The following PHLPP1 variants were observed in gnomAD, a reference collection of about 807,000 sequenced individuals.
PHLPP1 encodes PH domain and leucine rich repeat protein phosphatase 1.
A neutral mutation model predicts 117.2 loss-of-function variants in PHLPP1; 42 were observed. The observed-to-expected ratio is 0.36, with a 90% confidence interval of 0.28 to 0.46. The LOEUF is 0.46. Among genes scored for constraint, PHLPP1 ranks in the 20% least tolerant of loss-of-function variants. The pLI is 1.00. For missense variants in PHLPP1, 2,084 were observed against 2,241.9 expected (o/e 0.93, Z 1.42); for synonymous variants, 1,042 against 970.7 (o/e 1.07, Z -1.37).
At chr18:62,825,996 A>G (rs905175893) in intron 1 of PHLPP1, among the ~76,000 whole-genome samples, 1 of 152,242 alleles carries the variant, frequency 6.6e-6, no homozygotes, top group Admixed American at 6.5e-5. Context: ...GGAGAAATTA[A>G]TTTTAAACCA....
intron 13 of PHLPP1, among the ~76,000 whole-genome samples, chr18:62,961,242 C>T (rs1910758283): frequency 6.6e-6 from 1 of 152,154 alleles, no homozygotes; most frequent in Non-Finnish European, 1.5e-5. Context: ...TTGCAGTGAG[C>T]CGTGTTACGC....
intron 13 of PHLPP1, among the ~76,000 whole-genome samples, chr18:62,960,180 C>T (rs990195028): frequency 4.6e-5 from 7 of 151,898 alleles, no homozygotes; most frequent in Non-Finnish European, 1.0e-4. Context: ...TGGAAGTAGC[C>T]ACTTAGAGAA....
At chr18:62,790,396 C>T (rs1036215543) in intron 1 of PHLPP1, among the ~76,000 whole-genome samples, 5 of 152,122 alleles carry the variant, frequency 3.3e-5, no homozygotes, top group African/African-American at 4.8e-5. Context: ...AATATAACCC[C>T]ATAATGATGA....
At chr18:62,952,938 G>A (rs1910505922) in intron 12 of PHLPP1, among the ~76,000 whole-genome samples, 1 of 152,176 alleles carries the variant, frequency 6.6e-6, no homozygotes, top group African/African-American at 2.4e-5. Context: ...ACAATTTTAT[G>A]TAGAATAATA....
intron 10 of PHLPP1, among the ~76,000 whole-genome samples, chr18:62,924,891 A>G (rs565201445): frequency 2.6e-5 from 4 of 151,404 alleles, no homozygotes; most frequent in African/African-American, 9.7e-5. Context: ...TTAATCTGCT[A>G]TACCTGGTAG....
intron 1 of PHLPP1, among the ~76,000 whole-genome samples, chr18:62,772,549 A>G (rs1440813167): frequency 6.6e-6 from 1 of 152,132 alleles, no homozygotes; most frequent in Non-Finnish European, 1.5e-5. Context: ...TTAAATTTAA[A>G]TTGGGCATGC....
At chr18:62,920,427 C>T (rs1909426312) in intron 10 of PHLPP1, among the ~76,000 whole-genome samples, 2 of 152,180 alleles carry the variant, frequency 1.3e-5, no homozygotes, top group South Asian at 4.1e-4. Context: ...CTGGTCACAT[C>T]CCATGCCAGG....
intron 6 of PHLPP1, among the ~76,000 whole-genome samples, chr18:62,900,283 C>G: frequency 6.6e-6 from 1 of 150,508 alleles, no homozygotes; most frequent in Non-Finnish European, 1.5e-5. Context: ...GGTGACAGAG[C>G]AAGACTTTGC....
At chr18:62,834,723 A>T (rs975186615) in intron 2 of PHLPP1, among the ~76,000 whole-genome samples, 1 of 152,018 alleles carries the variant, frequency 6.6e-6, no homozygotes, top group Non-Finnish European at 1.5e-5. Context: ...ATAACTGTAC[A>T]CTCCAGTTAA....
chr18:62,932,505 TAAAAAC>T (rs1909845407), intron 10 of PHLPP1, among the ~76,000 whole-genome samples: 1 of 152,072 alleles, frequency 6.6e-6, no homozygotes, highest in Non-Finnish European at 1.5e-5. Flanking sequence ...TAAACAGAAT[TAAAAAC>T]AAAATCTGTA....
intron 1 of PHLPP1, among the ~76,000 whole-genome samples, chr18:62,720,141 T>C (rs781412673): frequency 2.4e-4 from 36 of 152,156 alleles, no homozygotes; most frequent in Non-Finnish European, 4.1e-4. Flanking sequence ...AAATCGGACA[T>C]CTTAAATTTT....
intron 1 of PHLPP1, among the ~76,000 whole-genome samples, chr18:62,817,516 G>A (rs1914318927): frequency 6.6e-6 from 1 of 151,816 alleles, no homozygotes; most frequent in Admixed American, 6.6e-5. Context: ...ACAGAAGAAA[G>A]GATTAGTGAA....
At chr18:62,799,632 C>T (rs549736603) in intron 1 of PHLPP1, among the ~76,000 whole-genome samples, 2 of 152,246 alleles carry the variant, frequency 1.3e-5, no homozygotes, top group East Asian at 1.9e-4. Flanking sequence ...CTGTATTTTC[C>T]CCCTTTCAGG....
chr18:62,778,417 T>C (rs916419524), intron 1 of PHLPP1, among the ~76,000 whole-genome samples: 2 of 152,178 alleles, frequency 1.3e-5, no homozygotes, highest in Non-Finnish European at 2.9e-5. Flanking sequence ...AGCCTTTAGT[T>C]TAATTAGGAA....
chr18:62,894,052 A>G (rs967987140), intron 4 of PHLPP1, among the ~76,000 whole-genome samples: 19 of 152,158 alleles, frequency 1.2e-4, no homozygotes, highest in South Asian at 2.1e-4. Flanking sequence ...TAAAAAACCT[A>G]TCTATGAAGA....
chr18:62,717,787 C>A (rs1323525672), intron 1 of PHLPP1, among the ~76,000 whole-genome samples: 1 of 152,132 alleles, frequency 6.6e-6, no homozygotes, highest in Non-Finnish European at 1.5e-5. Context: ...TCATAAATTA[C>A]CCACGGAGCC....
At chr18:62,814,146 T>C (rs1056153369) in intron 1 of PHLPP1, among the ~76,000 whole-genome samples, 2 of 152,236 alleles carry the variant, frequency 1.3e-5, no homozygotes, top group Non-Finnish European at 2.9e-5. Flanking sequence ...GTGTCTATGG[T>C]AATTTGGGAG....
intron 1 of PHLPP1, among the ~76,000 whole-genome samples, chr18:62,805,704 T>C (rs192095153): frequency 6.6e-6 from 1 of 152,238 alleles, no homozygotes; most frequent in East Asian, 1.9e-4. Flanking sequence ...CATACACTTT[T>C]AGTTTTAATG....
chr18:62,979,005 G>C lies in PHLPP1; in HGVS notation c.4728G>C (p.Glu1576Asp). Residue 1576 changes from glutamate (E) to aspartate (D), a missense_variant, in exon 17 of 17, where the codon GAG becomes GAC. By Grantham distance (45) the Glu-to-Asp change is conservative. Coordinates refer to ENST00000262719, the MANE Select transcript of PHLPP1 (RefSeq NM_194449.4). ...ACATCCACTGCAGCCGGGCCAAGGA[G>C]AAGGAGAAACAGCAGCACCTGCTTC... ...EVDIHCSRAK[E>D]KEKQQHLLQV... The C allele has an allele frequency of 6.2e-7, 1 of 1,613,198 alleles. No individual in the cohort carries two copies. Among genetic ancestry groups the C allele is most frequent in the Non-Finnish European group, 8.5e-7 (1 of 1,179,694 alleles).
Sources: allele counts gnomAD v4.1 joint callset (sites outside exome capture counted in the v4.1 genomes callset), GRCh38; gene constraint gnomAD v4.1.1; transcripts MANE v1.5; gene names NCBI Gene and HGNC (gene_info 2026-07-23, HGNC 2026-07-21).